Variants in RANBP2 observed in about 807,000 individuals in gnomAD.
The protein encoded by RANBP2 is RAN binding protein 2.
RANBP2 carries 57 observed loss-of-function variants against 303.6 expected under a neutral mutation model. The observed-to-expected ratio is 0.19, with a 90% CI of 0.15 to 0.23. RANBP2 has a LOEUF of 0.23. Among genes scored for constraint, RANBP2 ranks in the 10% least tolerant of loss-of-function variants. RANBP2 has a pLI of 1.00. For missense variants in RANBP2, 3,138 were observed against 3,780.8 expected, an observed-to-expected ratio of 0.83 and a Z score of 4.46; for synonymous variants, 1,167 against 1,301.5, an observed-to-expected ratio of 0.90 and a Z score of 2.23.
At chr2:109,437,332 T>C in the RANBP2 span, among the ~76,000 whole-genome samples, 1 of 151,640 alleles carries the variant, frequency 6.6e-6, no homozygotes, top group Non-Finnish European at 1.5e-5. Context: ...AAAGAAATTA[T>C]GGGGTGGGCC....
At chr2:108,788,994 C>T, downstream of RANBP2, 1 of 1,611,730 alleles carries the variant, frequency 6.2e-7, no homozygotes, top group Non-Finnish European at 8.5e-7. Context: ...TTTACTGTTG[C>T]TACCCCCTCA....
the RANBP2 span, among the ~76,000 whole-genome samples, chr2:108,900,326 C>G: frequency 6.6e-6 from 1 of 152,126 alleles, no homozygotes; most frequent in African/African-American, 2.4e-5. Flanking sequence ...GAGGCCAAGG[C>G]AGATGGATTA....
the RANBP2 span, among the ~76,000 whole-genome samples, chr2:108,942,393 G>A: frequency 9.2e-5 from 14 of 152,230 alleles, no homozygotes; most frequent in African/African-American, 3.4e-4. Context: ...TGGGGCTGAG[G>A]GGAGGAAGGG....
the RANBP2 span, among the ~76,000 whole-genome samples, chr2:109,428,054 C>T: frequency 5.8e-4 from 89 of 152,360 alleles, no homozygotes; most frequent in Non-Finnish European, 1.1e-3. Context: ...TCCAGTGCAG[C>T]CCCTGACAGC....
At chr2:108,880,220 CAAACAAA>C in the RANBP2 span, among the ~76,000 whole-genome samples, 8 of 5,214 alleles carry the variant, frequency 1.5e-3, no homozygotes, top group African/African-American at 2.6e-3. Flanking sequence ...CAAACAAAAA[CAAACAAA>C]AAAAAAAACG....
the RANBP2 span, among the ~76,000 whole-genome samples, chr2:109,463,890 G>T: frequency 6.6e-6 from 1 of 152,132 alleles, no homozygotes; most frequent in East Asian, 1.9e-4. Context: ...TGCCAGAGGT[G>T]GTATAGACAG....
chr2:109,371,795 C>G, the RANBP2 span: 1 of 863,094 alleles, frequency 1.2e-6, no homozygotes, highest in Non-Finnish European at 1.9e-6. Flanking sequence ...GGATCCTCCA[C>G]AATAGCCTCT....
At chr2:108,982,132 C>T in the RANBP2 span, among the ~76,000 whole-genome samples, 1 of 152,342 alleles carries the variant, frequency 6.6e-6, no homozygotes, top group East Asian at 1.9e-4. Flanking sequence ...AGAATAGGGG[C>T]CAGGTCTTTT....
chr2:109,055,758 C>T, the RANBP2 span, among the ~76,000 whole-genome samples: 1 of 90,566 alleles, frequency 1.1e-5, no homozygotes, highest in African/African-American at 4.4e-5. Flanking sequence ...ACAGCTCTAA[C>T]ATTTTTTTTT....
the RANBP2 span, among the ~76,000 whole-genome samples, chr2:109,365,706 T>G: frequency 9.2e-5 from 14 of 152,222 alleles, no homozygotes; most frequent in African/African-American, 2.4e-5. Context: ...TTCATTGATC[T>G]TCTTATCAAG....
the RANBP2 span, among the ~76,000 whole-genome samples, chr2:109,331,974 ACTGT>A: frequency 2.6e-5 from 4 of 152,112 alleles, no homozygotes; most frequent in African/African-American, 4.8e-5. Context: ...TGGTGCTGTG[ACTGT>A]CTGTGACTAG....
the RANBP2 span, among the ~76,000 whole-genome samples, chr2:109,604,113 G>T: frequency 7.1e-6 from 1 of 140,218 alleles, no homozygotes; most frequent in African/African-American, 2.8e-5. Flanking sequence ...AGTGAGCCGA[G>T]ATCATGCCAC....
At chr2:109,226,840 A>G in the RANBP2 span, among the ~76,000 whole-genome samples, 9 of 152,308 alleles carry the variant, frequency 5.9e-5, no homozygotes, top group East Asian at 1.7e-3. Context: ...CAGGACCCCT[A>G]CAGCTGCAGG....
chr2:108,846,660 G>C, the RANBP2 span: 1 of 1,312,050 alleles, frequency 7.6e-7, no homozygotes, highest in Non-Finnish European at 1.1e-6. Context: ...CTGGGCAACA[G>C]AGCAAGACTG....
At chr2:108,814,600 A>G in the RANBP2 span, among the ~76,000 whole-genome samples, 1 of 149,488 alleles carries the variant, frequency 6.7e-6, no homozygotes, top group Non-Finnish European at 1.5e-5. Context: ...TTGCCTATTT[A>G]TTAATTTGCT....
chr2:109,778,569 T>G, the RANBP2 span, among the ~76,000 whole-genome samples: 2 of 149,130 alleles, frequency 1.3e-5, no homozygotes, highest in African/African-American at 2.5e-5. Flanking sequence ...CAAGCCCATT[T>G]AATATACTTC....
chr2:109,525,407 G>A, the RANBP2 span, among the ~76,000 whole-genome samples: 1 of 152,164 alleles, frequency 6.6e-6, no homozygotes, highest in African/African-American at 2.4e-5. Context: ...CAAATGATCT[G>A]CCCACCTTGG....
chr2:109,306,352 C>T, the RANBP2 span, among the ~76,000 whole-genome samples: 34 of 152,338 alleles, frequency 2.2e-4, no homozygotes, highest in South Asian at 6.2e-4. Context: ...CCAACCCCTG[C>T]GCATACTCCA....
downstream of RANBP2, among the ~76,000 whole-genome samples, chr2:108,787,183 T>C (rs949548369): frequency 6.6e-6 from 1 of 152,226 alleles, no homozygotes; most frequent in African/African-American, 2.4e-5. Context: ...TTCAGCTTTT[T>C]TTTGCAGTGA....
Sources: allele counts gnomAD v4.1 joint callset (sites outside exome capture counted in the v4.1 genomes callset), GRCh38; gene constraint gnomAD v4.1.1; transcripts MANE v1.5; gene names NCBI Gene and HGNC (gene_info 2026-07-23, HGNC 2026-07-21).